The following DTX4 variants were observed in gnomAD, a reference collection of about 807,000 sequenced individuals.
DTX4 encodes the protein E3 ubiquitin-protein ligase DTX4.
DTX4 carries 28 observed loss-of-function variants against 57.6 expected under a neutral mutation model. The observed-to-expected ratio is 0.49, with a 90% CI of 0.36 to 0.67. The LOEUF (loss-of-function observed/expected upper bound fraction) is 0.67, where lower values mean the gene tolerates loss of function less well. DTX4 is among the 30% of genes least tolerant of loss of function. The pLI, the probability that DTX4 is intolerant of heterozygous loss-of-function variation, is 0.00. For synonymous variants in DTX4, 316 were observed against 331.0 expected (o/e 0.95, Z 0.49); for missense variants, 715 against 836.8 (o/e 0.85, Z 1.80).
At chr11:59,199,873 C>T in intron 8 of DTX4, 100 bp downstream of exon 8, 1 of 935,548 alleles carries the variant, frequency 1.1e-6, no homozygotes, top group Non-Finnish European at 1.6e-6. Flanking sequence ...AATGCACAGA[C>T]CAAAGAGAAC....
chr11:59,189,041 C>T, intron 3 of DTX4, 121 bp from the exon 4 acceptor site: 1 of 1,255,168 alleles, frequency 8.0e-7, no homozygotes, highest in Non-Finnish European at 1.1e-6. Flanking sequence ...GTAGAGAATC[C>T]AGGAATTATG....
intron 7 of DTX4, among the ~76,000 whole-genome samples, chr11:59,198,115 G>A (rs141449265): frequency 3.5e-4 from 53 of 152,288 alleles, no homozygotes; most frequent in African/African-American, 1.2e-3. Flanking sequence ...GTGAGGAGTC[G>A]AGACCTTCAA....
rs1862475513 is a variant in DTX4, at chr11:59,182,301, C to T, written c.774C>T (p.Ile258=). The T allele has an allele frequency of 3.7e-6, 6 of 1,612,342 alleles. No individual in the cohort carries two copies. The highest frequency in any genetic ancestry group is 5.1e-6 in the Non-Finnish European group (6 of 1,179,818). The change falls in exon 2 of 9, where the codon ATC becomes ATT. Residue 258 remains isoleucine, a synonymous_variant. Transcript: ENST00000227451. ...TGAAGACCGCCCCATCGCAGGTGATCCGGAGACAAGCCTCCAGCATGCCCA... is the reference window on the plus strand; with the variant it reads ...TGAAGACCGCCCCATCGCAGGTGATTCGGAGACAAGCCTCCAGCATGCCCA... ...GPLKTAPSQV[I]RRQASSMPTG... is the part of the protein sequence containing the mutation.
rs75403375 is a variant in DTX4 at position 59,182,379 on chromosome 11, C to A, written c.852C>A (p.Thr284=). 3 of 1,613,730 alleles carry A rather than the reference C, an allele frequency of 1.9e-6. No homozygotes were observed. The South Asian group carries it at 3.3e-5, about 18-fold the overall frequency. Reference sequence around the variant, plus strand: ...GTCCCCCAGGACCCAACAGCAAGACCGGAAGGGTGGCCCTGGCCACCTTGA... The same window carrying A: ...GTCCCCCAGGACCCAACAGCAAGACAGGAAGGGTGGCCCTGGCCACCTTGA... The part of the protein sequence containing the change: ...PASPPGPNSK[T]GRVALATLNR... The change falls in exon 2 of 9, where the codon ACC becomes ACA. Residue 284 remains threonine (T), a synonymous_variant. Coordinates refer to ENST00000227451, the MANE Select transcript of DTX4 (RefSeq NM_015177.2).
Position 59,189,149 on chromosome 11 carries a change from C to T in DTX4, c.998-13C>T. On this transcript the variant is annotated splice_polypyrimidine_tract_variant and intron_variant, in intron 3 of 8. Transcript: ENST00000227451. ...TCTCCAGTCTTTCCTCACCCATGCCCTGCCCCTTCCAGGAATCACTGGGAT... is the reference window on the plus strand; with the variant it reads ...TCTCCAGTCTTTCCTCACCCATGCCTTGCCCCTTCCAGGAATCACTGGGAT... The T allele has an allele frequency of 6.2e-7, 1 of 1,612,784 alleles. No homozygotes were observed. Among genetic ancestry groups the T allele is most frequent in the Non-Finnish European group, 8.5e-7 (1 of 1,179,760 alleles).
chr11:59,204,539 T>A, intron 8 of DTX4, 137 bp from the exon 9 acceptor site: 2 of 788,432 alleles, frequency 2.5e-6, no homozygotes, highest in South Asian at 3.5e-5. Flanking sequence ...TCCAAATCTC[T>A]TTCTTTCCCC....
chr11:59,195,111 C>T (rs1862645617), intron 6 of DTX4, 97 bp from the exon 7 acceptor site: 1 of 1,292,528 alleles, frequency 7.7e-7, no homozygotes. Flanking sequence ...GCATTTTGTT[C>T]CCCTGGCCCT....
chr11:59,191,966 C>A, intron 5 of DTX4, 132 bp from the exon 6 acceptor site: 1 of 971,672 alleles, frequency 1.0e-6, no homozygotes, highest in Non-Finnish European at 1.5e-6. Flanking sequence ...TTCCAGAAAG[C>A]ACTTACACCC....
chr11:59,201,609 G>C (rs1467626724), intron 8 of DTX4, among the ~76,000 whole-genome samples: 1 of 152,192 alleles, frequency 6.6e-6, no homozygotes, highest in African/African-American at 2.4e-5. Flanking sequence ...GTATGGATAT[G>C]GTCTCCCCCT....
At chr11:59,183,020 A>T (rs984298915) in intron 2 of DTX4, among the ~76,000 whole-genome samples, 9 of 152,240 alleles carry the variant, frequency 5.9e-5, no homozygotes, top group African/African-American at 2.2e-4. Flanking sequence ...TTTACATCTC[A>T]TTTAATCCTT....
chr11:59,190,706 A>G (rs896539395), intron 4 of DTX4, among the ~76,000 whole-genome samples: 4 of 152,306 alleles, frequency 2.6e-5, no homozygotes, highest in African/African-American at 9.6e-5. Context: ...TTGACACCAC[A>G]TTATAAATTG....
chr11:59,203,878 C>G (rs1346871854), intron 8 of DTX4, among the ~76,000 whole-genome samples: 1 of 152,206 alleles, frequency 6.6e-6, no homozygotes, highest in Non-Finnish European at 1.5e-5. Flanking sequence ...GCTCATATTT[C>G]TAATGTCTGC....
chr11:59,196,237 T>C (rs1307025996), intron 7 of DTX4, among the ~76,000 whole-genome samples: 2 of 152,230 alleles, frequency 1.3e-5, no homozygotes, highest in Non-Finnish European at 2.9e-5. Context: ...ATGAGCAAAG[T>C]AGACGCAATC....
At position 59,204,916 on chromosome 11, in the gene DTX4, A is replaced by G. The variant is rs949999017; in HGVS notation, c.*7A>G. On this transcript the variant is annotated 3_prime_UTR_variant, in exon 9 of 9. Coordinates refer to ENST00000227451, the MANE Select transcript of DTX4 (RefSeq NM_015177.2). ...TGCCCAGGAGAAGGACTGAGGCCAGAAAAGCTTTGAGGTGGGAGGGGCCAT... is the reference window on the plus strand; with the variant it reads ...TGCCCAGGAGAAGGACTGAGGCCAGGAAAGCTTTGAGGTGGGAGGGGCCAT... 1.9e-6 allele frequency: 3 copies of G among 1,566,734 alleles called. No homozygotes were observed. In the African/African-American group the frequency reaches 4.1e-5, roughly 21 times the overall value.
intron 1 of DTX4, among the ~76,000 whole-genome samples, chr11:59,177,634 C>T (rs1013674779): frequency 3.9e-5 from 6 of 152,172 alleles, no homozygotes; most frequent in Non-Finnish European, 7.3e-5. Context: ...TTATATTTCC[C>T]TCCAATCTGC....
chr11:59,181,761 C>T lies in DTX4; in HGVS notation c.234C>T (p.Arg78=). Residue 78 remains arginine, a synonymous_variant, in exon 2 of 9, where the codon CGC becomes CGT. Transcript: ENST00000227451. ...CAGGAACTCTCCGCCCAGTTCGCCGCAACTACTACGACCCCTCCTCGGCCC... is the reference window on the plus strand; with the variant it reads ...CAGGAACTCTCCGCCCAGTTCGCCGTAACTACTACGACCCCTCCTCGGCCC... ...QDTGTLRPVR[R]NYYDPSSAPG... The T allele has an allele frequency of 1.2e-6, 2 of 1,608,768 alleles. No homozygotes were observed. The highest frequency in any genetic ancestry group is 1.7e-6 in the Non-Finnish European group (2 of 1,176,352).
intron 2 of DTX4, among the ~76,000 whole-genome samples, chr11:59,185,657 G>A (rs912300273): frequency 2.6e-5 from 4 of 152,316 alleles, no homozygotes; most frequent in Non-Finnish European, 4.4e-5. Context: ...GTAATAGTGG[G>A]GGAGGTGAGA....
At chr11:59,198,841 G>A (rs972629986) in intron 7 of DTX4, among the ~76,000 whole-genome samples, 8 of 152,170 alleles carry the variant, frequency 5.3e-5, no homozygotes, top group African/African-American at 1.9e-4. Flanking sequence ...GTATGGGGAG[G>A]AGGGGATTTG....
Position 59,172,476 on chromosome 11 carries a change from G to A in DTX4, c.-120G>A. 3 of 423,950 alleles carry A rather than the reference G, an allele frequency of 7.1e-6. No homozygotes were observed. The highest frequency in any genetic ancestry group is 1.0e-5 in the Non-Finnish European group (3 of 295,666). The allele number at this position is 423,950 out of a possible 1,614,324, so 26.3% of individuals were successfully genotyped here. ...CGGAGCTGAGGCTGCCCGGGGCGGC[G>A]GGGCGCGGGGCAGGGGGCGCGGTCG... is the stretch of plus-strand genomic sequence containing the variant. On this transcript the variant is annotated 5_prime_UTR_variant, in exon 1 of 9. Transcript: ENST00000227451.
Sources: allele counts gnomAD v4.1 joint callset (sites outside exome capture counted in the v4.1 genomes callset), GRCh38; gene constraint gnomAD v4.1.1; transcripts MANE v1.5; gene names NCBI Gene and HGNC (gene_info 2026-07-23, HGNC 2026-07-21).